PIAS1: variants seen among roughly 807,000 people sequenced by gnomAD.
PIAS1 encodes the protein protein inhibitor of activated STAT 1, also known as E3 SUMO-protein ligase PIAS1.
PIAS1 carries 6 observed loss-of-function variants against 71.3 expected under a neutral mutation model. The ratio of observed to expected loss-of-function variants is 0.08; its 90% CI spans 0.05 to 0.17. The LOEUF (loss-of-function observed/expected upper bound fraction) is 0.17, where lower values mean the gene tolerates loss of function less well. PIAS1 is among the 10% of genes least tolerant of loss of function. PIAS1 has a pLI of 1.00. For synonymous variants in PIAS1, 303 were observed against 292.9 expected (o/e 1.03, Z -0.35); for missense variants, 555 against 793.6 (o/e 0.70, Z 3.61).
At chr15:68,153,999 A>G (rs1307825674) in intron 7 of PIAS1, 1 of 217,670 alleles carries the variant, frequency 4.6e-6, no homozygotes, top group Non-Finnish European at 9.2e-6. Flanking sequence ...CAAGAAAGTT[A>G]TTTTAGATTG....
chr15:68,181,190 T>G, intron 11 of PIAS1, 22 bp from the exon 12 acceptor site: 2 of 1,609,486 alleles, frequency 1.2e-6, no homozygotes, highest in Non-Finnish European at 1.7e-6. Context: ...ATGAAAACTA[T>G]GCCAATCTTT....
intron 2 of PIAS1, among the ~76,000 whole-genome samples, chr15:68,113,421 T>G (rs1381698776): frequency 1.3e-5 from 2 of 152,200 alleles, no homozygotes; most frequent in African/African-American, 4.8e-5. Flanking sequence ...TGGTTTTACA[T>G]TCAAACATTG....
intron 1 of PIAS1, among the ~76,000 whole-genome samples, chr15:68,061,954 C>T (rs1450433950): frequency 6.6e-6 from 1 of 152,186 alleles, no homozygotes; most frequent in East Asian, 1.9e-4. Flanking sequence ...ATTCTCCCAT[C>T]CCTACCCTGT....
chr15:68,074,305 C>CT (rs1400662889), intron 1 of PIAS1, among the ~76,000 whole-genome samples: 5 of 151,832 alleles, frequency 3.3e-5, no homozygotes, highest in African/African-American at 4.8e-5. Context: ...TTTATCTCTA[C>CT]TTTTTTTTCC....
Position 68,089,341 on chromosome 15 carries a change from A to G in PIAS1, c.469+2591A>G, listed in dbSNP as rs1210443341. ...ATTAACTGTAAGAATTGAGAGGTGAAGTAAAAGGTGGTTGTAAAGTAAGAT... is the reference window on the plus strand; with the variant it reads ...ATTAACTGTAAGAATTGAGAGGTGAGGTAAAAGGTGGTTGTAAAGTAAGAT... On this transcript the variant is annotated intron_variant, in intron 2 of 13. Transcript: ENST00000249636. Among the ~76,000 whole-genome samples, 3 of 152,340 alleles carry G rather than the reference A, an allele frequency of 2.0e-5. No individual in the cohort carries two copies. The East Asian group carries it at 5.8e-4, about 29-fold the overall frequency.
intron 2 of PIAS1, among the ~76,000 whole-genome samples, chr15:68,099,501 CTATT>C (rs1305591560): frequency 1.3e-5 from 2 of 151,876 alleles, no homozygotes; most frequent in African/African-American, 4.8e-5. Flanking sequence ...ATTTCTCTAA[CTATT>C]CGAATTATTT....
At chr15:68,157,989 A>C (rs1024776180) in intron 7 of PIAS1, among the ~76,000 whole-genome samples, 2 of 152,184 alleles carry the variant, frequency 1.3e-5, no homozygotes, top group Non-Finnish European at 2.9e-5. Flanking sequence ...TTATTTTAAA[A>C]ACCATTCTTA....
intron 2 of PIAS1, among the ~76,000 whole-genome samples, chr15:68,118,320 C>CA (rs35273377): frequency 7.0e-5 from 10 of 143,188 alleles, no homozygotes; most frequent in African/African-American, 2.7e-4. Context: ...GTGTCTGTCT[C>CA]AAAAAAAAAA....
At chr15:68,133,055 A>G (rs567370485) in intron 2 of PIAS1, among the ~76,000 whole-genome samples, 2 of 151,688 alleles carry the variant, frequency 1.3e-5, no homozygotes, top group East Asian at 1.9e-4. Context: ...AAGTAGTAGC[A>G]TACTGTATTT....
chr15:68,067,114 G>T (rs1214176985), intron 1 of PIAS1, among the ~76,000 whole-genome samples: 5 of 152,174 alleles, frequency 3.3e-5, no homozygotes, highest in African/African-American at 7.2e-5. Context: ...TTCCATGCTG[G>T]TCTGAGTCTG....
intron 2 of PIAS1, among the ~76,000 whole-genome samples, chr15:68,113,808 G>A (rs1353742298): frequency 2.6e-5 from 4 of 152,108 alleles, no homozygotes; most frequent in African/African-American, 7.2e-5. Flanking sequence ...GGGTTTTACA[G>A]TGCTAAAGTT....
intron 4 of PIAS1, among the ~76,000 whole-genome samples, chr15:68,143,054 A>G (rs1316467925): frequency 6.6e-6 from 1 of 151,892 alleles, no homozygotes; most frequent in Non-Finnish European, 1.5e-5. Flanking sequence ...TCTCTCCCTT[A>G]TATATCTCCC....
chr15:68,055,894 T>TC, intron 1 of PIAS1: 2 of 701,458 alleles, frequency 2.9e-6, no homozygotes, highest in Non-Finnish European at 5.2e-6. Flanking sequence ...ATGTTTACAC[T>TC]CCAAGATTCG....
intron 1 of PIAS1, among the ~76,000 whole-genome samples, chr15:68,082,888 T>C (rs986631356): frequency 5.3e-5 from 8 of 152,128 alleles, no homozygotes; most frequent in Admixed American, 3.9e-4. Context: ...CTGTTTTTCT[T>C]GTAAAACTTT....
rs1286072239 is a variant in PIAS1 at position 68,134,435 on chromosome 15, C to T, written c.470-7511C>T. The stretch of plus-strand genomic sequence containing the variant: ...GGGGCTCCTCACCACCCAGTAGGAG[C>T]GGCTGGGCAGAGGCGCCCCTCACCT... On this transcript the variant is annotated intron_variant, in intron 2 of 13. Coordinates refer to ENST00000249636, the MANE Select transcript of PIAS1 (RefSeq NM_016166.3). Among the ~76,000 whole-genome samples, 65 of 56,346 alleles carry T rather than the reference C, an allele frequency of 1.2e-3. 12 individuals carry two copies. Among genetic ancestry groups the T allele is most frequent in the African/African-American group, 2.4e-3 (63 of 26,432 alleles). 37.0% of individuals were successfully genotyped at this position (56,346 alleles called of 152,430 possible). A position where few individuals can be genotyped will look rare whatever the true frequency, so the allele number is the denominator to read the frequency against.
chr15:68,121,411 A>G (rs2092612575), intron 2 of PIAS1, among the ~76,000 whole-genome samples: 1 of 150,770 alleles, frequency 6.6e-6, no homozygotes, highest in African/African-American at 2.4e-5. Context: ...TGCTTTGAAG[A>G]TTTTGTTTTC....
At position 68,191,109 on chromosome 15, in the gene PIAS1, T is replaced by C. The variant is rs531601722; in HGVS notation, c.*3274T>C. The C allele has an allele frequency of 4.6e-5, 7 of 152,776 alleles. No individual in the cohort carries two copies. Among genetic ancestry groups the C allele is most frequent in the African/African-American group, 1.4e-4 (6 of 41,584 alleles). The allele number at this position is 152,776 out of a possible 1,614,324, so 9.5% of individuals were successfully genotyped here. On this transcript the variant is annotated 3_prime_UTR_variant, in exon 14 of 14. Transcript: ENST00000249636. ...ATAGATGTTGAATTCTGTTTTTTAA[T>C]TAAATACAAAGCTTAGATTTCAGAA...
Position 68,171,635 on chromosome 15 carries a change from A to G in PIAS1, c.1009-2097A>G, listed in dbSNP as rs887877541. The stretch of plus-strand genomic sequence containing the variant: ...AAGTTTATAGCATGTTCAGTGTTCT[A>G]TTTTTATTCATCATGGCTACATCTG... On this transcript the variant is annotated intron_variant, in intron 8 of 13. Transcript: ENST00000249636. This position sits in a 1 kb window ranked among gnomAD's most constrained non-coding sequence, Gnocchi z 4.4. Among the ~76,000 whole-genome samples the G allele has an allele frequency of 6.6e-5, 10 of 152,152 alleles. No individual in the cohort carries two copies. The highest frequency in any genetic ancestry group is 2.2e-4 in the African/African-American group (9 of 41,432).
chr15:68,152,011 G>A (rs189271889), intron 6 of PIAS1, among the ~76,000 whole-genome samples: 1 of 133,220 alleles, frequency 7.5e-6, no homozygotes, highest in Non-Finnish European at 1.6e-5. Context: ...GTGCAGTGGC[G>A]CCATCTTGGC....
Sources: allele counts gnomAD v4.1 joint callset (sites outside exome capture counted in the v4.1 genomes callset), GRCh38; gene constraint gnomAD v4.1.1; non-coding constraint Gnocchi (gnomAD v3.1); transcripts MANE v1.5; gene names NCBI Gene and HGNC (gene_info 2026-07-23, HGNC 2026-07-21).